Variants in TM9SF4 observed in about 807,000 individuals in gnomAD.
TM9SF4 encodes the protein dinucleotide oxidase disulfide thiol exchanger 3 superfamily member 4.
Under a neutral mutation model 90.4 loss-of-function variants are expected in TM9SF4, and 26 were observed. The observed-to-expected ratio is 0.29, with a 90% CI of 0.21 to 0.40. TM9SF4 has a LOEUF of 0.40. TM9SF4 is among the 10% of genes least tolerant of loss of function. The pLI is 1.00. For synonymous variants in TM9SF4, 293 were observed against 315.4 expected (o/e 0.93, Z 0.75); for missense variants, 549 against 834.8 (o/e 0.66, Z 4.22).
At chr20:32,133,321 G>A (rs2046547894) in intron 2 of TM9SF4, among the ~76,000 whole-genome samples, 195 bp downstream of exon 2, 1 of 152,086 alleles carries the variant, frequency 6.6e-6, no homozygotes, top group Non-Finnish European at 1.5e-5. Flanking sequence ...CTGTGTCTCT[G>A]TCCCTGTGTA....
At chr20:32,111,803 G>A (rs1341476819) in intron 1 of TM9SF4, among the ~76,000 whole-genome samples, 1 of 152,188 alleles carries the variant, frequency 6.6e-6, no homozygotes, top group Non-Finnish European at 1.5e-5. Context: ...ATGTGGAAGG[G>A]AGCTTGGTGT....
chr20:32,150,459 T>C (rs1009939837), intron 10 of TM9SF4, among the ~76,000 whole-genome samples, 163 bp from the exon 11 acceptor site: 6 of 152,156 alleles, frequency 3.9e-5, no homozygotes, highest in African/African-American at 1.4e-4. Context: ...CTGTAGAGGG[T>C]AGGGGACTAT....
chr20:32,129,391 G>A (rs1406679572), intron 1 of TM9SF4, among the ~76,000 whole-genome samples: 1 of 152,020 alleles, frequency 6.6e-6, no homozygotes, highest in Non-Finnish European at 1.5e-5. Context: ...TACTTGGCAA[G>A]TTGAGGTGGG....
chr20:32,136,010 C>G, intron 2 of TM9SF4, 64 bp from the exon 3 acceptor site: 1 of 1,433,532 alleles, frequency 7.0e-7, no homozygotes, highest in Non-Finnish European at 9.8e-7. Flanking sequence ...ACCAAGTGTA[C>G]TAAAGATGTG....
intron 1 of TM9SF4, among the ~76,000 whole-genome samples, chr20:32,114,570 C>G (rs1032301292): frequency 6.6e-6 from 1 of 152,188 alleles, no homozygotes; most frequent in East Asian, 1.9e-4. Context: ...TGGCCTCAAG[C>G]AATCCTCCCG....
At chr20:32,121,356 G>A (rs1025797073) in intron 1 of TM9SF4, among the ~76,000 whole-genome samples, 3 of 151,994 alleles carry the variant, frequency 2.0e-5, no homozygotes, top group Admixed American at 6.6e-5. Flanking sequence ...GCGGCCTTCT[G>A]CAGCGTTTGT....
At chr20:32,121,937 C>T (rs1469383852) in intron 1 of TM9SF4, among the ~76,000 whole-genome samples, 2 of 145,016 alleles carry the variant, frequency 1.4e-5, no homozygotes, top group African/African-American at 5.1e-5. Flanking sequence ...GGGCTGACCC[C>T]CCCCAGCTCC....
intron 1 of TM9SF4, among the ~76,000 whole-genome samples, chr20:32,121,141 T>C (rs1378944291): frequency 6.6e-6 from 1 of 152,066 alleles, no homozygotes; most frequent in South Asian, 2.1e-4. Flanking sequence ...AAAATTTATT[T>C]AGACAAGTGA....
At chr20:32,123,176 AGGGGGG>A (rs1301634734) in intron 1 of TM9SF4, among the ~76,000 whole-genome samples, 4 of 9,174 alleles carry the variant, frequency 4.4e-4, no homozygotes, top group East Asian at 0.01. Flanking sequence ...GGAGAGGGGG[AGGGGGG>A]GAGGGGGAGA....
At chr20:32,126,456 C>G (rs971588799) in intron 1 of TM9SF4, among the ~76,000 whole-genome samples, 6 of 152,188 alleles carry the variant, frequency 3.9e-5, no homozygotes, top group Admixed American at 3.3e-4. Flanking sequence ...TCTTTTTCCT[C>G]TCGCCTCCCT....
intron 17 of TM9SF4, among the ~76,000 whole-genome samples, chr20:32,163,714 C>T (rs1413333736): frequency 6.7e-6 from 1 of 150,106 alleles, no homozygotes; most frequent in Non-Finnish European, 1.5e-5. Flanking sequence ...CGGGTTCCAG[C>T]GATTCTCCTG....
At chr20:32,138,356 A>G (rs1472650787) in intron 3 of TM9SF4, among the ~76,000 whole-genome samples, 1 of 152,210 alleles carries the variant, frequency 6.6e-6, no homozygotes, top group Non-Finnish European at 1.5e-5. Context: ...AAAATGAGCC[A>G]TTTCGCTCAT....
intron 1 of TM9SF4, 182 bp downstream of exon 1, chr20:32,109,937 C>G: frequency 1.4e-6 from 2 of 1,434,832 alleles, no homozygotes; most frequent in Non-Finnish European, 1.8e-6. Flanking sequence ...CCCCTGCACT[C>G]AGGCTTGTGA....
chr20:32,153,257 A>G (rs1348405209), intron 12 of TM9SF4, among the ~76,000 whole-genome samples: 2 of 152,232 alleles, frequency 1.3e-5, no homozygotes, highest in African/African-American at 4.8e-5. Context: ...TGAGGTGTTG[A>G]TGACCTATGC....
intron 1 of TM9SF4, among the ~76,000 whole-genome samples, chr20:32,110,942 G>C (rs549633545): frequency 6.6e-6 from 1 of 152,314 alleles, no homozygotes; most frequent in African/African-American, 2.4e-5. Flanking sequence ...AGATAATTTC[G>C]TCCGGGGAGT....
At chr20:32,143,398 G>C (rs1282670596) in intron 6 of TM9SF4, among the ~76,000 whole-genome samples, 1 of 152,216 alleles carries the variant, frequency 6.6e-6, no homozygotes, top group African/African-American at 2.4e-5. Flanking sequence ...CTAGTGACTT[G>C]GCCAAGACCA....
At chr20:32,140,109 C>G (rs1190519342) in intron 3 of TM9SF4, among the ~76,000 whole-genome samples, 1 of 152,200 alleles carries the variant, frequency 6.6e-6, no homozygotes, top group African/African-American at 2.4e-5. Context: ...GAATGAATGA[C>G]TAGATGACTA....
At chr20:32,136,416 T>G (rs1357990346) in intron 3 of TM9SF4, among the ~76,000 whole-genome samples, 1 of 152,218 alleles carries the variant, frequency 6.6e-6, no homozygotes, top group Non-Finnish European at 1.5e-5. Flanking sequence ...TCTGTTTTCT[T>G]CACAAAACAG....
chr20:32,130,366 G>A (rs1375674238), intron 1 of TM9SF4, among the ~76,000 whole-genome samples: 1 of 152,072 alleles, frequency 6.6e-6, no homozygotes, highest in East Asian at 1.9e-4. Flanking sequence ...ACTTTTGGGT[G>A]GCTGTTTTTG....
Sources: gnomAD v4.1 joint callset for allele counts (sites outside exome capture counted in the v4.1 genomes callset) on GRCh38, gnomAD v4.1.1 for gene constraint, MANE v1.5 for transcripts, NCBI Gene and HGNC (gene_info 2026-07-23, HGNC 2026-07-21) for gene names.